The following FAT3 variants were observed in gnomAD, a reference collection of about 807,000 sequenced individuals.
FAT3 encodes the protein FAT atypical cadherin 3, also known as protocadherin Fat 3.
A neutral mutation model predicts 310.2 loss-of-function variants in FAT3; 95 were observed. The ratio of observed to expected loss-of-function variants is 0.31; its 90% CI spans 0.26 to 0.36. FAT3 has a LOEUF of 0.36. FAT3 is among the 10% of genes least tolerant of loss of function. The pLI, the probability that FAT3 is intolerant of heterozygous loss-of-function variation, is 1.00. For missense variants in FAT3, 5,408 were observed against 5,715.6 expected, an observed-to-expected ratio of 0.95 and a Z score of 1.74; for synonymous variants, 2,314 against 2,192.9, an observed-to-expected ratio of 1.06 and a Z score of -1.54.
chr11:92,227,621 T>A (rs1443643751), intron 1 of FAT3, among the ~76,000 whole-genome samples: 2 of 152,108 alleles, frequency 1.3e-5, no homozygotes, highest in Non-Finnish European at 2.9e-5. Flanking sequence ...CGTGGAGATT[T>A]GAATCTGAGA....
chr11:92,557,537 G>T (rs1273391452), intron 3 of FAT3, among the ~76,000 whole-genome samples: 1 of 152,158 alleles, frequency 6.6e-6, no homozygotes, highest in Non-Finnish European at 1.5e-5. Flanking sequence ...TTTCTCTCCA[G>T]TTGAACCCCA....
At chr11:92,672,904 C>T (rs184992735) in intron 3 of FAT3, among the ~76,000 whole-genome samples, 3 of 152,150 alleles carry the variant, frequency 2.0e-5, no homozygotes, top group African/African-American at 4.8e-5. Flanking sequence ...TTTTGGATTC[C>T]GAAGTAAAGG....
At chr11:92,256,832 G>A (rs1437185964) in intron 1 of FAT3, among the ~76,000 whole-genome samples, 1 of 152,072 alleles carries the variant, frequency 6.6e-6, no homozygotes, top group Non-Finnish European at 1.5e-5. Flanking sequence ...ATTATATAGC[G>A]AATAAGTTGT....
chr11:92,461,231 G>A (rs1339259084), intron 2 of FAT3, among the ~76,000 whole-genome samples: 2 of 152,088 alleles, frequency 1.3e-5, no homozygotes, highest in African/African-American at 2.4e-5. Context: ...CTCTGTGGAT[G>A]AGAGGAGAGA....
At chr11:92,626,472 T>C (rs1941340645) in intron 3 of FAT3, among the ~76,000 whole-genome samples, 2 of 114,686 alleles carry the variant, frequency 1.7e-5, no homozygotes, top group African/African-American at 2.7e-5. Flanking sequence ...AGCGTATCTC[T>C]TTTTTTTTTT....
At chr11:92,413,498 A>G (rs993144231) in intron 2 of FAT3, among the ~76,000 whole-genome samples, 5 of 152,148 alleles carry the variant, frequency 3.3e-5, no homozygotes, top group African/African-American at 1.2e-4. Flanking sequence ...TTTTTCTCCA[A>G]CTACACCTCT....
chr11:92,790,348 T>C, intron 8 of FAT3, 130 bp downstream of exon 8: 1 of 1,048,538 alleles, frequency 9.5e-7, no homozygotes, highest in Middle Eastern at 2.4e-4. Flanking sequence ...CACAGAGAGA[T>C]TGCATTCATT....
rs112522767 is a variant in FAT3 at position 92,504,987 on chromosome 11, G to C, written c.3293-19647G>C. Among the ~76,000 whole-genome samples, 599 of 152,164 alleles carry C rather than the reference G, an allele frequency of 3.9e-3. 2 individuals carry two copies. Among genetic ancestry groups the C allele is most frequent in the African/African-American group, 0.014 (565 of 41,512 alleles). Reference sequence around the variant, plus strand: ...AAGTGTTCAGTTTGTGTCTTAAAGTGTGTGTATTATTGAGGGGTGGGGAGG... The same window carrying C: ...AAGTGTTCAGTTTGTGTCTTAAAGTCTGTGTATTATTGAGGGGTGGGGAGG... On this transcript the variant is annotated intron_variant, in intron 2 of 27. Coordinates refer to ENST00000525166, the MANE Select transcript of FAT3 (RefSeq NM_001367949.2).
intron 12 of FAT3, among the ~76,000 whole-genome samples, chr11:92,809,338 T>TCTGTTTACATTAC (rs1491053276): frequency 6.6e-6 from 1 of 152,188 alleles, no homozygotes; most frequent in African/African-American, 2.4e-5. Context: ...AAAGCCAGCT[T>TCTGTTTACATTAC]CTGTTTTCAT....
At chr11:92,600,137 T>C (rs1460465362) in intron 3 of FAT3, among the ~76,000 whole-genome samples, 1 of 152,228 alleles carries the variant, frequency 6.6e-6, no homozygotes, top group Non-Finnish European at 1.5e-5. Flanking sequence ...CCTCTTTATC[T>C]CTTATTCTTA....
chr11:92,800,893 CCGA>C lies in FAT3; in HGVS notation c.7881_7883del (p.Asp2629del). Reference sequence around the variant, plus strand: ...GTCACTCAAGTTCAAGCCATAGATCCCGATGATGGAGCAAATTCAAGGATTACT... The same window carrying C: ...GTCACTCAAGTTCAAGCCATAGATCCTGATGGAGCAAATTCAAGGATTACT... On this transcript the variant is annotated inframe_deletion, in exon 10 of 28. Transcript: ENST00000525166. 4 of 1,613,254 alleles carry C rather than the reference CCGA, an allele frequency of 2.5e-6. No homozygotes were observed. Among genetic ancestry groups the C allele is most frequent in the Non-Finnish European group, 3.4e-6 (4 of 1,179,630 alleles).
At chr11:92,765,937 T>G (rs1946298229) in intron 6 of FAT3, among the ~76,000 whole-genome samples, 1 of 152,106 alleles carries the variant, frequency 6.6e-6, no homozygotes, top group African/African-American at 2.4e-5. Flanking sequence ...CCCCTCTGTT[T>G]TGCAGCGGTA....
chr11:92,369,191 A>G (rs1949117339), intron 2 of FAT3, among the ~76,000 whole-genome samples: 1 of 152,180 alleles, frequency 6.6e-6, no homozygotes, highest in African/African-American at 2.4e-5. Flanking sequence ...AAAATGTAGG[A>G]CAATGTGAAT....
intron 4 of FAT3, chr11:92,748,595 A>G (rs760484781): frequency 6.6e-6 from 1 of 152,216 alleles, no homozygotes; most frequent in African/African-American, 2.4e-5. Flanking sequence ...CATAGTAAGT[A>G]TACATCTCCT....
At chr11:92,229,489 C>CTTTTTTTTTTTTTTTTTTTTTT (rs1565339181) in intron 1 of FAT3, among the ~76,000 whole-genome samples, 7 of 48,660 alleles carry the variant, frequency 1.4e-4, no homozygotes, top group Admixed American at 2.2e-4. Context: ...TTTGTTTTTT[C>CTTTTTTTTTTTTTTTTTTTTTT]GTGTTTTTTT....
At chr11:92,713,216 T>G (rs1944579090) in intron 4 of FAT3, among the ~76,000 whole-genome samples, 1 of 152,170 alleles carries the variant, frequency 6.6e-6, no homozygotes, top group East Asian at 1.9e-4. Flanking sequence ...AGGTTTGGAG[T>G]AAGAGTTCAA....
At chr11:92,592,100 G>T (rs1465681145) in intron 3 of FAT3, among the ~76,000 whole-genome samples, 3 of 151,966 alleles carry the variant, frequency 2.0e-5, no homozygotes, top group Non-Finnish European at 4.4e-5. Flanking sequence ...GATGAGGTGG[G>T]GGTGGTGGAT....
At chr11:92,858,435 A>G (rs1267746675) in intron 20 of FAT3, among the ~76,000 whole-genome samples, 1 of 152,080 alleles carries the variant, frequency 6.6e-6, no homozygotes, top group African/African-American at 2.4e-5. Flanking sequence ...AAAACTTCTG[A>G]TTGTCTATAA....
Position 92,735,769 on chromosome 11 carries a change from AG to A in FAT3, c.3670-26086del, listed in dbSNP as rs570967412. ...TTACATACTAGATTCAGCCTTTAGA[AG>A]ACATAGGTGGAGGGTTATTTATGTT... is the stretch of plus-strand genomic sequence containing the variant. On this transcript the variant is annotated intron_variant, in intron 4 of 27. Transcript: ENST00000525166. Among the ~76,000 whole-genome samples, 845 of 151,642 alleles carry A rather than the reference AG, an allele frequency of 5.6e-3. 10 individuals are homozygous for A. The highest frequency in any genetic ancestry group is 9.0e-3 in the Non-Finnish European group (614 of 67,914).
Sources: gnomAD v4.1 joint callset for allele counts (sites outside exome capture counted in the v4.1 genomes callset) on GRCh38, gnomAD v4.1.1 for gene constraint, MANE v1.5 for transcripts, NCBI Gene and HGNC (gene_info 2026-07-23, HGNC 2026-07-21) for gene names.